Variants in ANK2 observed in about 807,000 individuals in gnomAD.
ANK2 encodes ankyrin 2, also known as ankyrin-2.
Under a neutral mutation model 360.5 loss-of-function variants are expected in ANK2, and 83 were observed. The ratio of observed to expected loss-of-function variants is 0.23; its 90% CI spans 0.19 to 0.28. The LOEUF (loss-of-function observed/expected upper bound fraction) is 0.28, where lower values mean the gene tolerates loss of function less well. Among genes scored for constraint, ANK2 ranks in the 10% least tolerant of loss-of-function variants. The probability of loss-of-function intolerance (pLI) is 1.00; values close to 1 mark genes in which losing one functional copy is unlikely to be tolerated. For missense variants in ANK2, 4,201 were observed against 4,795.7 expected (o/e 0.88, Z 3.66); for synonymous variants, 1,740 against 1,759.5 (o/e 0.99, Z 0.28).
chr4:113,363,855 G>C (rs993734005), intron 40 of ANK2, among the ~76,000 whole-genome samples: 5 of 152,126 alleles, frequency 3.3e-5, no homozygotes, highest in Admixed American at 1.3e-4. Flanking sequence ...CTCCCAGCTT[G>C]GTTCCCATGC....
In ANK2 at chr4:112,999,915, T is replaced by G. The variant is rs561049646; in HGVS notation, c.21+95401T>G. 3.3e-5 allele frequency among the ~76,000 whole-genome samples: 5 copies of G among 152,104 alleles called. No individual in the cohort carries two copies. In the South Asian group the frequency reaches 6.2e-4, roughly 19 times the overall value. On this transcript the variant is annotated intron_variant, in intron 2 of 30. Transcript: ENST00000503271. The stretch of plus-strand genomic sequence containing the variant: ...GTAGTAAAGTTGTGGCAATTAAGAG[T>G]GACAGAGAGGAAAAAAACTTTTCCT...
rs979955056 is a variant in ANK2, at chr4:113,264,947, G to T, written c.1437G>T (p.Val479=). The T allele has an allele frequency of 2.5e-6, 4 of 1,569,128 alleles. No individual in the cohort carries two copies. Among genetic ancestry groups the T allele is most frequent in the East Asian group, 2.3e-5 (1 of 42,846 alleles). Reference sequence around the variant, plus strand: ...CAGCCCGAGCCGGGCAGGTGGAAGTGGTCCGATGCCTCCTGAGAAATGGTG... The same window carrying T: ...CAGCCCGAGCCGGGCAGGTGGAAGTTGTCCGATGCCTCCTGAGAAATGGTG... ...HMAARAGQVE[V]VRCLLRNGAL... The change falls in exon 14 of 46, where the codon GTG becomes GTT. Residue 479 remains valine (V), a synonymous_variant. Transcript: ENST00000357077.
intron 1 of ANK2, among the ~76,000 whole-genome samples, chr4:113,135,044 A>T (rs2096306694): frequency 6.6e-6 from 1 of 152,202 alleles, no homozygotes; most frequent in Admixed American, 6.5e-5. Flanking sequence ...GGAGAGCTCC[A>T]CCTGGGTATT....
intron 2 of ANK2, among the ~76,000 whole-genome samples, chr4:113,190,853 T>A (rs1584430855): frequency 6.6e-6 from 1 of 152,232 alleles, no homozygotes; most frequent in African/African-American, 2.4e-5. Flanking sequence ...ACTTTTAAAT[T>A]TAATTTTTAC....
the ANK2 span, among the ~76,000 whole-genome samples, chr4:112,780,952 A>G: frequency 6.6e-6 from 1 of 152,206 alleles, no homozygotes; most frequent in Non-Finnish European, 1.5e-5. Context: ...TTTAATGACC[A>G]TAAGTTGAAC....
intron 1 of ANK2, among the ~76,000 whole-genome samples, chr4:112,903,622 A>G (rs559348158): frequency 5.9e-5 from 9 of 152,352 alleles, no homozygotes; most frequent in Admixed American, 3.9e-4. Flanking sequence ...TGAAAGTCTG[A>G]TATATTGTGA....
At chr4:113,069,758 C>T (rs2076897123) in intron 1 of ANK2, among the ~76,000 whole-genome samples, 1 of 152,088 alleles carries the variant, frequency 6.6e-6, no homozygotes, top group Admixed American at 6.5e-5. Flanking sequence ...ATTAAGTCAC[C>T]ACTTGTACCT....
intron 1 of ANK2, among the ~76,000 whole-genome samples, chr4:113,116,280 T>C (rs1359179663): frequency 6.6e-6 from 1 of 152,116 alleles, no homozygotes; most frequent in Non-Finnish European, 1.5e-5. Flanking sequence ...TGATAAAGAG[T>C]GGCTTGGGTG....
At chr4:113,342,872 T>C in intron 33 of ANK2, 145 bp from the exon 34 acceptor site, 3 of 997,058 alleles carry the variant, frequency 3.0e-6, no homozygotes, top group Non-Finnish European at 4.6e-6. Flanking sequence ...GTGTCACAGA[T>C]AGACAGAATG....
At position 113,354,834 on chromosome 4, in the gene ANK2, C is replaced by T. The variant is rs1389051266; in HGVS notation, c.6216C>T (p.Ser2072=). The change falls in exon 38 of 46, where the codon TCC becomes TCT. Residue 2072 remains serine (S), a synonymous_variant. Transcript: ENST00000357077. ...CCAAAAGAGGAGTTCGTGTTTCCTC[C>T]ATAGGAGTTAAGAAAGAAGATGCAG... ...AESKRGVRVS[S]IGVKKEDAAG... 14 of 1,614,022 alleles carry T rather than the reference C, an allele frequency of 8.7e-6. No homozygotes were observed. Among genetic ancestry groups the T allele is most frequent in the Non-Finnish European group, 1.0e-5 (12 of 1,179,974 alleles).
At chr4:113,156,976 A>G (rs2097326530) in intron 1 of ANK2, among the ~76,000 whole-genome samples, 1 of 152,004 alleles carries the variant, frequency 6.6e-6, no homozygotes, top group African/African-American at 2.4e-5. Context: ...AGATTGTAAG[A>G]GCAAAAAAGG....
intron 1 of ANK2, among the ~76,000 whole-genome samples, chr4:112,861,868 A>AGAGAGAGAGAGAGAG (rs201880535): frequency 1.1e-4 from 17 of 151,634 alleles, no homozygotes; most frequent in East Asian, 1.9e-4. Flanking sequence ...AGAGAGAGAG[A>AGAGAGAGAGAGAGAG]AACTCTCACA....
rs1027691095 is a variant in ANK2 at position 113,284,735 on chromosome 4, A to G, written c.2079+1863A>G. ...CACATAGTATGTTTATCACTAGAGT[A>G]AAACTTTAGTAAGTTTACACAGATA... On this transcript the variant is annotated intron_variant, in intron 18 of 45. Transcript: ENST00000357077. Among the ~76,000 whole-genome samples the G allele has an allele frequency of 7.2e-4, 110 of 152,234 alleles. 1 individual carries two copies. Among genetic ancestry groups the G allele is most frequent in the Non-Finnish European group, 9.3e-4 (63 of 68,044 alleles).
At chr4:113,221,386 G>A (rs537424100) in intron 4 of ANK2, among the ~76,000 whole-genome samples, 26 of 152,118 alleles carry the variant, frequency 1.7e-4, no homozygotes, top group Non-Finnish European at 3.4e-4. Context: ...AGGGCTGGGC[G>A]CGGTGGCTCA....
chr4:112,743,521 T>TTC, the ANK2 span, among the ~76,000 whole-genome samples: 2 of 111,066 alleles, frequency 1.8e-5, no homozygotes, highest in African/African-American at 5.5e-5. Context: ...TTCCTTCCTT[T>TTC]CTTTCTTTCT....
the ANK2 span, among the ~76,000 whole-genome samples, chr4:112,707,173 A>C: frequency 6.6e-6 from 1 of 152,210 alleles, no homozygotes; most frequent in South Asian, 2.1e-4. Context: ...TCTGTGCAGG[A>C]AAATAATGCC....
In ANK2 at chr4:113,339,292, G is replaced by A. The variant is rs1171500202; in HGVS notation, c.3863G>A (p.Cys1288Tyr). 13 of 1,613,982 alleles carry A rather than the reference G, an allele frequency of 8.1e-6. No homozygotes were observed. The highest frequency in any genetic ancestry group is 1.1e-5 in the Non-Finnish European group (13 of 1,179,964). Residue 1288 changes from cysteine (C) to tyrosine (Y), a missense_variant, in exon 32 of 46, where the codon TGT becomes TAT. Coordinates refer to ENST00000357077, the MANE Select transcript of ANK2 (RefSeq NM_001148.6). ...ACGCCATTAACATTTGTCAATGAAT[G>A]TGTTTCCTTTACAACAAACGTGTCT... The part of the protein sequence containing the change: ...GTTPLTFVNE[C>Y]VSFTTNVSAR...
chr4:112,897,985 A>G (rs975501452), intron 1 of ANK2, among the ~76,000 whole-genome samples: 3 of 152,178 alleles, frequency 2.0e-5, no homozygotes, highest in African/African-American at 7.2e-5. Flanking sequence ...TATAGAACAT[A>G]AACTATAGAT....
the ANK2 span, among the ~76,000 whole-genome samples, chr4:112,799,948 CAT>C: frequency 1.3e-5 from 2 of 151,472 alleles, no homozygotes; most frequent in Non-Finnish European, 2.9e-5. Flanking sequence ...GATTCACTCA[CAT>C]AGAAGGTTCT....
Sources: gnomAD v4.1 joint callset for allele counts (sites outside exome capture counted in the v4.1 genomes callset) on GRCh38, gnomAD v4.1.1 for gene constraint, MANE v1.5 for transcripts, NCBI Gene and HGNC (gene_info 2026-07-23, HGNC 2026-07-21) for gene names.